Variants in DAPK1 observed in about 807,000 individuals in gnomAD.
DAPK1 encodes death associated protein kinase 1.
Under a neutral mutation model 144.9 loss-of-function variants are expected in DAPK1, and 56 were observed. The observed-to-expected ratio is 0.39, with a 90% CI of 0.31 to 0.48. The LOEUF (loss-of-function observed/expected upper bound fraction) is 0.48. Ranked by LOEUF, DAPK1 falls within the 20% of genes least tolerant of loss-of-function variation. The pLI is 0.95. For missense variants in DAPK1, 1,454 were observed against 1,875.4 expected, an observed-to-expected ratio of 0.78 and a Z score of 4.15; for synonymous variants, 690 against 749.0, an observed-to-expected ratio of 0.92 and a Z score of 1.29.
intron 2 of DAPK1, among the ~76,000 whole-genome samples, chr9:87,580,639 C>T (rs36204769): frequency 0.013 from 1,941 of 152,248 alleles, 36 homozygotes; most frequent in African/African-American, 0.043. Context: ...AAGATTATAT[C>T]TACAGCTAGC....
intron 3 of DAPK1, among the ~76,000 whole-genome samples, chr9:87,636,934 T>C (rs1829916797): frequency 6.6e-6 from 1 of 152,158 alleles, no homozygotes; most frequent in South Asian, 2.1e-4. Flanking sequence ...GAATGCATGC[T>C]GTGTGCCTGG....
At chr9:87,696,238 G>A (rs991430592) in intron 21 of DAPK1, among the ~76,000 whole-genome samples, 1 of 152,148 alleles carries the variant, frequency 6.6e-6, no homozygotes, top group Non-Finnish European at 1.5e-5. Flanking sequence ...TGTTGTGTGT[G>A]TGTAGCACTC....
intron 2 of DAPK1, among the ~76,000 whole-genome samples, chr9:87,500,949 T>A (rs1824366897): frequency 6.6e-6 from 1 of 152,256 alleles, no homozygotes; most frequent in South Asian, 2.1e-4. Context: ...TAACTGCTAT[T>A]GTTTTTGCCA....
chr9:87,675,312 C>T (rs1824323788), intron 19 of DAPK1, among the ~76,000 whole-genome samples: 1 of 151,864 alleles, frequency 6.6e-6, no homozygotes, highest in Non-Finnish European at 1.5e-5. Flanking sequence ...GAGGACCTCT[C>T]TGATGTGACA....
intron 20 of DAPK1, among the ~76,000 whole-genome samples, chr9:87,683,944 G>A (rs559557570): frequency 2.0e-5 from 3 of 152,306 alleles, no homozygotes; most frequent in South Asian, 4.1e-4. Context: ...GGAAGTGTGC[G>A]CTGGTGGTTG....
chr9:87,642,111 A>AGTGT, intron 10 of DAPK1, 53 bp downstream of exon 10: 1 of 1,482,248 alleles, frequency 6.7e-7, no homozygotes. Context: ...TGTGTAGAGT[A>AGTGT]GTGTGTGGTC....
intron 3 of DAPK1, among the ~76,000 whole-genome samples, chr9:87,612,606 A>C (rs1828967331): frequency 6.6e-6 from 1 of 152,244 alleles, no homozygotes; most frequent in Non-Finnish European, 1.5e-5. Flanking sequence ...CAGAGGCACC[A>C]GTTAACAGAA....
At chr9:87,525,191 A>G in intron 2 of DAPK1, 2 of 757,886 alleles carry the variant, frequency 2.6e-6, no homozygotes, top group Non-Finnish European at 4.6e-6. Flanking sequence ...TGTTTGGATG[A>G]GTACCAGAAC....
At chr9:87,660,619 C>T (rs1226088928) in intron 18 of DAPK1, among the ~76,000 whole-genome samples, 7 of 152,136 alleles carry the variant, frequency 4.6e-5, no homozygotes, top group East Asian at 1.9e-4. Flanking sequence ...AAACTCCCAT[C>T]CTCCACGCGC....
chr9:87,642,066 T>A lies in DAPK1; in HGVS notation c.918+8T>A. The A allele has an allele frequency of 6.2e-7, 1 of 1,612,832 alleles. No individual in the cohort carries two copies. ...GCCCGGAAAAAATGGAAAGTAAGAT[T>A]GTTTGTTGTGGAGGGATTAACAAAT... On this transcript the variant is annotated splice_region_variant and intron_variant, in intron 10 of 25. Coordinates refer to ENST00000408954, the MANE Select transcript of DAPK1 (RefSeq NM_004938.4).
intron 17 of DAPK1, among the ~76,000 whole-genome samples, chr9:87,654,740 C>G (rs934705178): frequency 3.9e-5 from 6 of 152,098 alleles, no homozygotes; most frequent in Admixed American, 1.3e-4. Context: ...GTAGACATTC[C>G]CACTGTGCAC....
chr9:87,681,609 T>C lies in DAPK1; in HGVS notation c.2207T>C (p.Leu736Pro). 5.0e-6 allele frequency: 8 copies of C among 1,593,632 alleles called. No individual in the cohort carries two copies. The highest frequency in any genetic ancestry group is 6.9e-6 in the Non-Finnish European group (8 of 1,161,226). Residue 736 changes from leucine to proline, a missense_variant, in exon 20 of 26, where the codon CTG becomes CCG. Physicochemically the swap from Leu to Pro is moderately conservative, Grantham distance 98. Transcript: ENST00000408954. ...TNSSRFPPSP[L>P]ASKPTVSVSI... is the part of the protein sequence containing the mutation. ...TCCAGCAGGTTCCCACCTTCACCCC[T>C]GGCTTCTAAGCCCACAGGTAGGAAC...
At chr9:87,604,154 A>G (rs779267852) in intron 2 of DAPK1, among the ~76,000 whole-genome samples, 13 of 152,078 alleles carry the variant, frequency 8.5e-5, no homozygotes, top group Non-Finnish European at 1.9e-4. Flanking sequence ...GTCCCAAGAC[A>G]GTTGGCAGCG....
chr9:87,558,521 C>CACAT (rs10623606), intron 2 of DAPK1, among the ~76,000 whole-genome samples: 2 of 151,958 alleles, frequency 1.3e-5, no homozygotes, highest in Admixed American at 6.5e-5. Context: ...CACACACACA[C>CACAT]AGCCGTGTGA....
intron 3 of DAPK1, among the ~76,000 whole-genome samples, chr9:87,609,847 G>A (rs1564021561): frequency 6.6e-6 from 1 of 152,192 alleles, no homozygotes; most frequent in Non-Finnish European, 1.5e-5. Context: ...TCCACGGCAA[G>A]TCGAACTTCC....
intron 4 of DAPK1, among the ~76,000 whole-genome samples, chr9:87,639,072 C>T (rs141130217): frequency 1.6e-4 from 24 of 152,290 alleles, no homozygotes; most frequent in Admixed American, 3.3e-4. Flanking sequence ...CTTGATAGGA[C>T]ACCTCGTAGC....
At chr9:87,502,689 TGA>T (rs753148268) in intron 2 of DAPK1, among the ~76,000 whole-genome samples, 74 of 152,310 alleles carry the variant, frequency 4.9e-4, no homozygotes, top group Admixed American at 2.0e-4. Flanking sequence ...CCTTCCACAA[TGA>T]GTTTCCCCTT....
chr9:87,701,601 A>G (rs1315667309), intron 24 of DAPK1, among the ~76,000 whole-genome samples: 1 of 152,170 alleles, frequency 6.6e-6, no homozygotes, highest in Non-Finnish European at 1.5e-5. Context: ...GAAAAGGGCG[A>G]GCGTCCCAGT....
At chr9:87,642,387 G>A (rs1409291512) in intron 10 of DAPK1, among the ~76,000 whole-genome samples, 1 of 152,014 alleles carries the variant, frequency 6.6e-6, no homozygotes, top group African/African-American at 2.4e-5. Context: ...TTCATTCTTT[G>A]TGGTAAGCAG....
Sources: gnomAD v4.1 joint callset for allele counts (sites outside exome capture counted in the v4.1 genomes callset) on GRCh38, gnomAD v4.1.1 for gene constraint, MANE v1.5 for transcripts, NCBI Gene and HGNC (gene_info 2026-07-23, HGNC 2026-07-21) for gene names.